Variants in PRKCA observed in about 807,000 individuals in gnomAD.
PRKCA encodes the protein protein kinase C alpha type.
Under a neutral mutation model 87.0 loss-of-function variants are expected in PRKCA, and 27 were observed. That is an observed-to-expected ratio of 0.31 (90% CI 0.23 to 0.43). PRKCA has a LOEUF of 0.43. PRKCA is among the 20% of genes least tolerant of loss of function. The probability of loss-of-function intolerance (pLI) is 1.00; values close to 1 mark genes in which losing one functional copy is unlikely to be tolerated. For synonymous variants in PRKCA, 329 were observed against 311.1 expected, an observed-to-expected ratio of 1.06 and a Z score of -0.61; for missense variants, 518 against 852.3, an observed-to-expected ratio of 0.61 and a Z score of 4.88.
At chr17:66,587,647 A>G (rs1969638752) in intron 3 of PRKCA, among the ~76,000 whole-genome samples, 2 of 141,192 alleles carry the variant, frequency 1.4e-5, no homozygotes, top group African/African-American at 3.1e-5. Flanking sequence ...TATATATAAC[A>G]TATATGTGTG....
At chr17:66,532,795 T>C (rs1013660199) in intron 3 of PRKCA, among the ~76,000 whole-genome samples, 3 of 152,220 alleles carry the variant, frequency 2.0e-5, no homozygotes, top group Non-Finnish European at 4.4e-5. Context: ...GCTGTGACCA[T>C]GGACAAGTTG....
intron 3 of PRKCA, among the ~76,000 whole-genome samples, chr17:66,506,730 G>A (rs1481858238): frequency 1.3e-5 from 2 of 152,190 alleles, no homozygotes; most frequent in Non-Finnish European, 2.9e-5. Flanking sequence ...CTGTTTCAAA[G>A]TGTAGTCTTC....
intron 14 of PRKCA, chr17:66,775,471 GGAAGCAGGCTTGGTAATCAC>G (rs377566410): frequency 1.4e-4 from 140 of 985,376 alleles, no homozygotes; most frequent in African/African-American, 1.1e-3. Context: ...GCTCAGCAGG[GGAAGCAGGCTTGGTAATCAC>G]GAAGCAGGCT....
intron 5 of PRKCA, among the ~76,000 whole-genome samples, chr17:66,675,235 G>A (rs1972294840): frequency 6.6e-6 from 1 of 152,168 alleles, no homozygotes. Flanking sequence ...ATCCTCACAC[G>A]GTGGAAGGGC....
At chr17:66,583,830 A>G (rs1969516931) in intron 3 of PRKCA, among the ~76,000 whole-genome samples, 1 of 152,218 alleles carries the variant, frequency 6.6e-6, no homozygotes. Context: ...CTCTAAACTA[A>G]ATTATCTTCA....
chr17:66,678,325 G>T (rs949249030), intron 5 of PRKCA, among the ~76,000 whole-genome samples: 1 of 152,236 alleles, frequency 6.6e-6, no homozygotes, highest in African/African-American at 2.4e-5. Flanking sequence ...GCCTGGTGAT[G>T]TGGATGTTGG....
intron 8 of PRKCA, among the ~76,000 whole-genome samples, chr17:66,727,155 C>G (rs986352474): frequency 1.3e-5 from 2 of 152,102 alleles, no homozygotes; most frequent in Non-Finnish European, 2.9e-5. Context: ...TGTCCAGGCT[C>G]TTGATACTGC....
chr17:66,328,669 G>A (rs540107386), intron 2 of PRKCA, among the ~76,000 whole-genome samples: 1 of 152,220 alleles, frequency 6.6e-6, no homozygotes, highest in Admixed American at 6.5e-5. Flanking sequence ...ATGGTGGCAC[G>A]TGCCTGTAAT....
intron 2 of PRKCA, among the ~76,000 whole-genome samples, chr17:66,359,986 A>T (rs370613062): frequency 1.1e-4 from 17 of 152,298 alleles, no homozygotes; most frequent in African/African-American, 3.9e-4. Context: ...CTTAAATTTA[A>T]TATTCTCAAG....
chr17:66,767,253 T>G (rs1282495314), intron 13 of PRKCA, among the ~76,000 whole-genome samples: 1 of 152,170 alleles, frequency 6.6e-6, no homozygotes, highest in Non-Finnish European at 1.5e-5. Context: ...ATAACAAAAC[T>G]AGGTTTTTCT....
At chr17:66,559,095 T>A (rs969469642) in intron 3 of PRKCA, among the ~76,000 whole-genome samples, 1 of 152,142 alleles carries the variant, frequency 6.6e-6, no homozygotes, top group African/African-American at 2.4e-5. Flanking sequence ...CTGTGACAGC[T>A]CTTGCACTGG....
chr17:66,417,789 C>A (rs1171154156), intron 2 of PRKCA, among the ~76,000 whole-genome samples: 2 of 152,118 alleles, frequency 1.3e-5, no homozygotes, highest in East Asian at 3.9e-4. Flanking sequence ...CTGTTGAAAT[C>A]CAATTTAAAT....
intron 5 of PRKCA, among the ~76,000 whole-genome samples, chr17:66,654,053 T>C (rs1247431435): frequency 6.6e-6 from 1 of 152,192 alleles, no homozygotes; most frequent in African/African-American, 2.4e-5. Context: ...GTCCTCTCTT[T>C]TGTAGATGGA....
At chr17:66,372,732 A>T (rs1267243657) in intron 2 of PRKCA, among the ~76,000 whole-genome samples, 1 of 152,142 alleles carries the variant, frequency 6.6e-6, no homozygotes, top group Non-Finnish European at 1.5e-5. Flanking sequence ...TTGCAGTGCC[A>T]TCTCTTAAAG....
At chr17:66,697,480 T>C (rs1421136127) in intron 8 of PRKCA, among the ~76,000 whole-genome samples, 2 of 152,148 alleles carry the variant, frequency 1.3e-5, no homozygotes, top group Non-Finnish European at 2.9e-5. Flanking sequence ...TTATCTGTAT[T>C]ACCCCTCCCT....
rs369166526 is a variant in PRKCA, at chr17:66,657,634, A to G, written c.529+12123A>G. ...TCATCTTATGGCCCGCACAGGTGGA[A>G]GAACTCTCGTGGAAGAACTCTCACA... is the stretch of plus-strand genomic sequence containing the variant. On this transcript the variant is annotated intron_variant, in intron 5 of 16. Coordinates refer to ENST00000413366, the MANE Select transcript of PRKCA (RefSeq NM_002737.3). 1.7e-4 allele frequency among the ~76,000 whole-genome samples: 26 copies of G among 152,294 alleles called. No homozygotes were observed. In the East Asian group the frequency reaches 3.9e-3, roughly 23 times the overall value.
chr17:66,345,788 A>G (rs1429922117), intron 2 of PRKCA, among the ~76,000 whole-genome samples: 2 of 152,232 alleles, frequency 1.3e-5, no homozygotes, highest in Non-Finnish European at 1.5e-5. Context: ...CTTCAAGGAA[A>G]TTTGGAAATG....
At position 66,517,372 on chromosome 17, in the gene PRKCA, C is replaced by A. The variant is rs540884625; in HGVS notation, c.288+21089C>A. Among the ~76,000 whole-genome samples, 88 of 152,252 alleles carry A rather than the reference C, an allele frequency of 5.8e-4. No individual in the cohort carries two copies. The Middle Eastern group carries it at 0.014, about 24-fold the overall frequency. ...ATGGACTCCTTTCTTCCCCTCCTCG[C>A]CCCCAATTCAGTTGTTTCTCTTCCA... is the stretch of plus-strand genomic sequence containing the variant. On this transcript the variant is annotated intron_variant, in intron 3 of 16. Transcript: ENST00000413366.
At chr17:66,535,709 C>T (rs781567835) in intron 3 of PRKCA, among the ~76,000 whole-genome samples, 31 of 152,198 alleles carry the variant, frequency 2.0e-4, no homozygotes, top group Non-Finnish European at 2.9e-4. Flanking sequence ...GATCTCCTCA[C>T]TACCTGGTCA....
Sources: gnomAD v4.1 joint callset for allele counts (sites outside exome capture counted in the v4.1 genomes callset) on GRCh38, gnomAD v4.1.1 for gene constraint, MANE v1.5 for transcripts, NCBI Gene and HGNC (gene_info 2026-07-23, HGNC 2026-07-21) for gene names.